Variants in NXPH1 observed in about 807,000 individuals in gnomAD.
NXPH1 encodes neurexophilin 1, also known as neurexophilin-1.
In NXPH1, 5 loss-of-function variants were observed where a neutral mutation model predicts 23.7. That is an observed-to-expected ratio of 0.21 (90% CI 0.11 to 0.44). NXPH1 has a LOEUF of 0.44. NXPH1 is among the 20% of genes least tolerant of loss of function. NXPH1 has a pLI of 0.99. For synonymous variants in NXPH1, 144 were observed against 122.2 expected (o/e 1.18, Z -1.18); for missense variants, 324 against 321.6 (o/e 1.01, Z -0.06).
intron 2 of NXPH1, among the ~76,000 whole-genome samples, chr7:8,487,716 A>T (rs1376737007): frequency 6.6e-6 from 1 of 152,072 alleles, no homozygotes; most frequent in Non-Finnish European, 1.5e-5. Context: ...ACTCTACTCA[A>T]AATAGAAAGA....
intron 2 of NXPH1, among the ~76,000 whole-genome samples, chr7:8,495,617 A>T (rs555833804): frequency 2.6e-5 from 4 of 151,962 alleles, no homozygotes; most frequent in Admixed American, 6.6e-5. Context: ...AAGAGGAATG[A>T]TTTAGGAGGA....
At position 8,684,950 on chromosome 7, in the gene NXPH1, C is replaced by T. The variant is rs554521136; in HGVS notation, c.55-66058C>T. ...GGATGTGTTTTAAAAGGCTCAAATT[C>T]GCCATGTTGCACTGTATAACTACAT... is the stretch of plus-strand genomic sequence containing the variant. On this transcript the variant is annotated intron_variant, in intron 2 of 2. Transcript: ENST00000405863. 9.2e-5 allele frequency among the ~76,000 whole-genome samples: 14 copies of T among 152,234 alleles called. No homozygotes were observed. The East Asian group carries it at 1.9e-3, about 21-fold the overall frequency.
At chr7:8,640,445 T>TATATAG (rs1820288260) in intron 2 of NXPH1, among the ~76,000 whole-genome samples, 1 of 151,380 alleles carries the variant, frequency 6.6e-6, no homozygotes, top group Non-Finnish European at 1.5e-5. Flanking sequence ...AATATATATA[T>TATATAG]AGTTTTAAAT....
intron 2 of NXPH1, among the ~76,000 whole-genome samples, chr7:8,738,939 C>T (rs1339909419): frequency 1.3e-5 from 2 of 151,986 alleles, no homozygotes; most frequent in African/African-American, 4.8e-5. Flanking sequence ...GGGAAAATCG[C>T]CTACTCAAGC....
At chr7:8,544,519 C>G (rs1818171334) in intron 2 of NXPH1, among the ~76,000 whole-genome samples, 1 of 151,580 alleles carries the variant, frequency 6.6e-6, no homozygotes, top group South Asian at 2.1e-4. Flanking sequence ...TGAAATGATC[C>G]CTACCCGAAG....
chr7:8,612,231 A>C (rs1328233395), intron 2 of NXPH1, among the ~76,000 whole-genome samples: 1 of 135,844 alleles, frequency 7.4e-6, no homozygotes, highest in Admixed American at 7.6e-5. Flanking sequence ...TCTTTTTTTT[A>C]CATTCTCCCC....
intron 2 of NXPH1, among the ~76,000 whole-genome samples, chr7:8,447,372 G>A (rs975220473): frequency 1.3e-5 from 2 of 152,194 alleles, no homozygotes; most frequent in African/African-American, 2.4e-5. Flanking sequence ...ATTCATGCAT[G>A]GTCAGTGTAG....
intron 2 of NXPH1, among the ~76,000 whole-genome samples, chr7:8,632,865 C>G (rs1243469030): frequency 6.6e-6 from 1 of 152,136 alleles, no homozygotes; most frequent in Non-Finnish European, 1.5e-5. Context: ...GATGAGCATT[C>G]TAATAATCAA....
intron 2 of NXPH1, among the ~76,000 whole-genome samples, chr7:8,739,983 G>A (rs1181848007): frequency 6.6e-6 from 1 of 152,192 alleles, no homozygotes; most frequent in Non-Finnish European, 1.5e-5. Context: ...CTGAACATCA[G>A]TAGGCAGTGT....
chr7:8,486,281 A>C (rs1199090453), intron 2 of NXPH1, among the ~76,000 whole-genome samples: 1 of 152,156 alleles, frequency 6.6e-6, no homozygotes, highest in Non-Finnish European at 1.5e-5. Context: ...GTAGAGCAGA[A>C]TATATTCTTT....
intron 2 of NXPH1, among the ~76,000 whole-genome samples, chr7:8,736,664 G>T (rs1192731261): frequency 6.6e-6 from 1 of 152,160 alleles, no homozygotes; most frequent in African/African-American, 2.4e-5. Flanking sequence ...CCATAGCTGA[G>T]TTCAAGTCCT....
intron 2 of NXPH1, among the ~76,000 whole-genome samples, chr7:8,471,812 T>C (rs1816877100): frequency 1.3e-5 from 2 of 152,278 alleles, no homozygotes; most frequent in South Asian, 4.1e-4. Context: ...TGTTCAACTA[T>C]ACAGGAGAGC....
chr7:8,489,874 C>A (rs967375799), intron 2 of NXPH1, among the ~76,000 whole-genome samples: 4 of 152,058 alleles, frequency 2.6e-5, no homozygotes, highest in Non-Finnish European at 5.9e-5. Context: ...ATCTCAATAG[C>A]TTTGCTGGGT....
intron 2 of NXPH1, among the ~76,000 whole-genome samples, chr7:8,594,299 A>G (rs1165889610): frequency 6.6e-6 from 1 of 152,072 alleles, no homozygotes; most frequent in African/African-American, 2.4e-5. Context: ...TTGGGTAGAA[A>G]CATGAAAGGG....
intron 2 of NXPH1, among the ~76,000 whole-genome samples, chr7:8,735,755 T>C (rs896365432): frequency 2.6e-5 from 4 of 152,146 alleles, no homozygotes; most frequent in African/African-American, 9.7e-5. Context: ...TACTGTGAAT[T>C]CATCTGGTTC....
chr7:8,736,352 G>T (rs190810279), intron 2 of NXPH1, among the ~76,000 whole-genome samples: 4 of 152,272 alleles, frequency 2.6e-5, no homozygotes, highest in African/African-American at 7.2e-5. Flanking sequence ...TGGTTTCAAA[G>T]AACTTATTTA....
chr7:8,723,621 T>C (rs748186114), intron 2 of NXPH1, among the ~76,000 whole-genome samples: 4 of 152,164 alleles, frequency 2.6e-5, no homozygotes, highest in Non-Finnish European at 5.9e-5. Context: ...CTGTGCATGA[T>C]TACAGAATTA....
At chr7:8,562,808 A>G (rs1434462956) in intron 2 of NXPH1, among the ~76,000 whole-genome samples, 3 of 151,724 alleles carry the variant, frequency 2.0e-5, no homozygotes, top group African/African-American at 7.2e-5. Context: ...GTATGTGCAT[A>G]TATTTCAAAA....
intron 2 of NXPH1, among the ~76,000 whole-genome samples, chr7:8,444,324 G>A (rs1816359753): frequency 6.6e-6 from 1 of 152,224 alleles, no homozygotes. Context: ...AGGTGAGGAA[G>A]AGAAGGTTTA....
Sources: gnomAD v4.1 joint callset for allele counts (sites outside exome capture counted in the v4.1 genomes callset) on GRCh38, gnomAD v4.1.1 for gene constraint, MANE v1.5 for transcripts, NCBI Gene and HGNC (gene_info 2026-07-23, HGNC 2026-07-21) for gene names.